WDR75: variants seen among roughly 807,000 people sequenced by gnomAD.
The protein encoded by WDR75 is WD repeat-containing protein 75.
Under a neutral mutation model 106.1 loss-of-function variants are expected in WDR75, and 52 were observed. That is an observed-to-expected ratio of 0.49 (90% confidence interval 0.39 to 0.62). The LOEUF is 0.62. Among genes scored for constraint, WDR75 ranks in the 20% least tolerant of loss-of-function variants. WDR75 has a pLI of 0.00. For synonymous variants in WDR75, 333 were observed against 335.5 expected (o/e 0.99, Z 0.08); for missense variants, 905 against 970.3 (o/e 0.93, Z 0.89).
At chr2:189,464,438 T>C (rs1686960841) in intron 11 of WDR75, among the ~76,000 whole-genome samples, 1 of 152,124 alleles carries the variant, frequency 6.6e-6, no homozygotes, top group African/African-American at 2.4e-5. Context: ...TTTACAGATC[T>C]CTGTCATAGC....
intron 6 of WDR75, among the ~76,000 whole-genome samples, chr2:189,458,332 T>C (rs947495791): frequency 1.3e-5 from 2 of 152,218 alleles, no homozygotes; most frequent in African/African-American, 4.8e-5. Context: ...ACAAGTAGAT[T>C]GATCCCTTTG....
rs371678382 is a variant in WDR75 at position 189,458,790 on chromosome 2, A to G, written c.607A>G (p.Lys203Glu). 1.4e-5 allele frequency: 23 copies of G among 1,603,556 alleles called. No individual in the cohort carries two copies. The African/African-American group carries it at 2.5e-4, about 18-fold the overall frequency. The part of the protein sequence containing the change: ...LSSSRNKKHA[K>E]NNFTCVACHP... Reference sequence around the variant, plus strand: ...ATCATCAAGAAATAAGAAGCATGCTAAAAACAATTTTACATGTGTAGCATG... The same window carrying G: ...ATCATCAAGAAATAAGAAGCATGCTGAAAACAATTTTACATGTGTAGCATG... Residue 203 changes from lysine to glutamate, a missense_variant, in exon 7 of 21, where the codon AAA becomes GAA. Coordinates refer to ENST00000314761, the MANE Select transcript of WDR75 (RefSeq NM_032168.3).
chr2:189,459,632 AT>A (rs1259378680), intron 8 of WDR75, among the ~76,000 whole-genome samples: 7 of 152,218 alleles, frequency 4.6e-5, no homozygotes, highest in Admixed American at 1.3e-4. Context: ...TACATTTGTG[AT>A]AAAAATCTCT....
chr2:189,469,166 C>T (rs185864607), intron 15 of WDR75, among the ~76,000 whole-genome samples, 178 bp from the exon 16 acceptor site: 1 of 152,226 alleles, frequency 6.6e-6, no homozygotes, highest in Admixed American at 6.5e-5. Context: ...CACTACAGTT[C>T]CAGTATGTTT....
chr2:189,455,504 C>T, intron 5 of WDR75, 60 bp downstream of exon 5: 5 of 1,555,962 alleles, frequency 3.2e-6, no homozygotes, highest in Non-Finnish European at 4.3e-6. Flanking sequence ...TGCAATCTCT[C>T]TTCTGAGCAT....
intron 7 of WDR75, 35 bp downstream of exon 7, chr2:189,458,907 A>G: frequency 1.3e-6 from 2 of 1,580,012 alleles, no homozygotes; most frequent in East Asian, 2.3e-5. Flanking sequence ...GCGATCATTT[A>G]TGTACTATTT....
chr2:189,453,383 C>G (rs1686666366), intron 4 of WDR75, among the ~76,000 whole-genome samples: 1 of 152,174 alleles, frequency 6.6e-6, no homozygotes, highest in South Asian at 2.1e-4. Flanking sequence ...ACTTCCTGTA[C>G]TCACTCCATG....
At chr2:189,453,181 CTT>C (rs890853759) in intron 4 of WDR75, among the ~76,000 whole-genome samples, 6 of 152,260 alleles carry the variant, frequency 3.9e-5, no homozygotes, top group South Asian at 2.1e-4. Context: ...ACATAGCACT[CTT>C]TTTGATATTT....
rs1157910 is a variant in WDR75, at chr2:189,458,804, A to G, written c.621A>G (p.Thr207=). ...AGAAGCATGCTAAAAACAATTTTAC[A>G]TGTGTAGCATGTCACCCAACGGAAG... ...RNKKHAKNNF[T]CVACHPTEDC... is the part of the protein sequence containing the mutation. The change falls in exon 7 of 21, where the codon ACA becomes ACG. Residue 207 remains threonine, a synonymous_variant. Coordinates refer to ENST00000314761, the MANE Select transcript of WDR75 (RefSeq NM_032168.3). 0.65 allele frequency: 1,050,121 copies of G among 1,604,206 alleles called. 350,090 individuals are homozygous for G. The highest frequency in any genetic ancestry group is 0.68 in the Non-Finnish European group (805,091 of 1,175,538).
At chr2:189,458,603 C>A in intron 6 of WDR75, 150 bp from the exon 7 acceptor site, 3 of 555,856 alleles carry the variant, frequency 5.4e-6, no homozygotes, top group Non-Finnish European at 8.2e-6. Flanking sequence ...TCAAAATTTT[C>A]TTTTTAAAAA....
chr2:189,469,400 A>G lies in WDR75; in HGVS notation c.1780A>G (p.Asn594Asp), dbSNP rs1009999648. 1 of 1,613,636 alleles carries G rather than the reference A, an allele frequency of 6.2e-7. No individual in the cohort carries two copies. The highest frequency in any genetic ancestry group is 1.7e-5 in the Admixed American group (1 of 59,978). The change falls in exon 16 of 21, where the codon AAT (asparagine) becomes GAT (aspartate). Residue 594 changes from asparagine (N) to aspartate (D), a missense_variant. Transcript: ENST00000314761. Reference protein sequence around the residue: ...RVMEPDPNSENIAAISQSSVG... With the variant: ...RVMEPDPNSEDIAAISQSSVG... ...TATGGAACCCGATCCTAATTCAGAG[A>G]ATATTGCTGCAATCTCTCAGTCTTC...
chr2:189,466,650 C>G, intron 13 of WDR75, 68 bp downstream of exon 13: 1 of 1,476,824 alleles, frequency 6.8e-7, no homozygotes, highest in Non-Finnish European at 9.2e-7. Flanking sequence ...TTTCTCATGA[C>G]TTGTATCCAT....
chr2:189,465,291 TA>T (rs1183149352), intron 12 of WDR75, 37 bp downstream of exon 12: 3 of 1,538,072 alleles, frequency 2.0e-6, no homozygotes, highest in Middle Eastern at 1.8e-4. Context: ...TTTCAAAGTA[TA>T]AAATATTTCA....
rs1290117434 is a variant in WDR75 at position 189,475,448 on chromosome 2, T to C, written c.*31T>C. ...GGAGATGGGGAGGATCCTTGGACTT[T>C]GTGTTTTTGATTGTATGTTGATATT... On this transcript the variant is annotated 3_prime_UTR_variant, in exon 21 of 21. Coordinates refer to ENST00000314761, the MANE Select transcript of WDR75 (RefSeq NM_032168.3). 4 of 1,379,426 alleles carry C rather than the reference T, an allele frequency of 2.9e-6. No homozygotes were observed. The highest frequency in any genetic ancestry group is 4.0e-6 in the Non-Finnish European group (4 of 999,038). 85.4% of individuals were successfully genotyped at this position (1,379,426 alleles called of 1,614,324 possible). A position where few individuals can be genotyped will look rare whatever the true frequency, so the allele number is the denominator to read the frequency against.
chr2:189,455,203 T>G, intron 4 of WDR75, 117 bp from the exon 5 acceptor site: 2 of 1,261,426 alleles, frequency 1.6e-6, no homozygotes, highest in Non-Finnish European at 2.1e-6. Context: ...ATCACGCCAC[T>G]GCACTCCAGC....
chr2:189,463,660 T>A, intron 9 of WDR75, 34 bp from the exon 10 acceptor site: 1 of 1,611,014 alleles, frequency 6.2e-7, no homozygotes, highest in African/African-American at 1.3e-5. Context: ...TCTAACCTAT[T>A]GATATTTAAA....
rs560816256 is a variant in WDR75 at position 189,453,752 on chromosome 2, A to C, written c.374-1568A>C. Among the ~76,000 whole-genome samples the C allele has an allele frequency of 6.6e-5, 10 of 152,290 alleles. No individual in the cohort carries two copies. In the East Asian group the frequency reaches 1.9e-3, roughly 29 times the overall value. ...CTGTGCTAGCTGGCTTGCTTACTGC[A>C]CCACTGGCCTCTCATACTCAAATAC... On this transcript the variant is annotated intron_variant, in intron 4 of 20. Coordinates refer to ENST00000314761, the MANE Select transcript of WDR75 (RefSeq NM_032168.3).
chr2:189,470,463 T>C (rs1687093731), intron 17 of WDR75, among the ~76,000 whole-genome samples: 1 of 152,168 alleles, frequency 6.6e-6, no homozygotes, highest in African/African-American at 2.4e-5. Context: ...TTGCTTGTAT[T>C]AACTCTGTGA....
intron 6 of WDR75, among the ~76,000 whole-genome samples, chr2:189,457,635 A>G (rs1385564210): frequency 6.6e-6 from 1 of 152,158 alleles, no homozygotes; most frequent in Admixed American, 6.5e-5. Flanking sequence ...CTTGGAGTCA[A>G]AGTTGGATGT....
Sources: allele counts gnomAD v4.1 joint callset (sites outside exome capture counted in the v4.1 genomes callset), GRCh38; gene constraint gnomAD v4.1.1; transcripts MANE v1.5; gene names NCBI Gene and HGNC (gene_info 2026-07-23, HGNC 2026-07-21).